Variants in CASZ1 observed in about 807,000 individuals in gnomAD.
The protein encoded by CASZ1 is castor zinc finger 1, also known as zinc finger protein castor homolog 1.
CASZ1 carries 28 observed loss-of-function variants against 135.2 expected under a neutral mutation model. The observed-to-expected ratio is 0.21, with a 90% CI of 0.15 to 0.28. The LOEUF is 0.28. CASZ1 is among the 10% of genes least tolerant of loss of function. The pLI is 1.00. For synonymous variants in CASZ1, 1,068 were observed against 1,073.4 expected, an observed-to-expected ratio of 0.99 and a Z score of 0.10; for missense variants, 2,161 against 2,453.3, an observed-to-expected ratio of 0.88 and a Z score of 2.52.
chr1:10,772,387 C>T (rs1483749954), intron 1 of CASZ1, among the ~76,000 whole-genome samples: 1 of 152,240 alleles, frequency 6.6e-6, no homozygotes, highest in Non-Finnish European at 1.5e-5. Context: ...AACTTCCCAG[C>T]TTCAGGAGAG....
At chr1:10,653,014 AG>A in intron 11 of CASZ1, 1 of 302,050 alleles carries the variant, frequency 3.3e-6, no homozygotes, top group Non-Finnish European at 6.4e-6. Flanking sequence ...TCGGCACGCC[AG>A]GGGCCCTGGG....
At chr1:10,768,267 G>C (rs1424487897) in intron 1 of CASZ1, among the ~76,000 whole-genome samples, 1 of 152,190 alleles carries the variant, frequency 6.6e-6, no homozygotes, top group East Asian at 1.9e-4. Flanking sequence ...ACCCAGGCTG[G>C]AGTGCAGTGG....
Position 10,646,163 on chromosome 1 carries a change from C to T in CASZ1, c.3661G>A (p.Ala1221Thr), listed in dbSNP as rs779185749. The change falls in exon 17 of 21, where the codon GCA (alanine) becomes ACA (threonine). Residue 1221 changes from alanine (A) to threonine (T), a missense_variant. Ala to Thr is a moderately conservative substitution (Grantham distance 58, BLOSUM62 0). Coordinates refer to ENST00000377022, the MANE Select transcript of CASZ1 (RefSeq NM_001079843.3). This position sits in a 1 kb window ranked among gnomAD's most constrained non-coding sequence, Gnocchi z 6.4. The part of the protein sequence containing the change: ...NNLVNVRDQF[A>T]YYSLQCLCPN... Reference sequence around the variant, plus strand: ...CAGAGACACTGCAGAGAGTAGTATGCAAACTGGTCTCGCACGTTCACCAGG... The same window carrying T: ...CAGAGACACTGCAGAGAGTAGTATGTAAACTGGTCTCGCACGTTCACCAGG... The T allele has an allele frequency of 6.2e-7, 1 of 1,614,180 alleles. No individual in the cohort carries two copies. The highest frequency in any genetic ancestry group is 8.5e-7 in the Non-Finnish European group (1 of 1,180,030).
At position 10,734,003 on chromosome 1, in the gene CASZ1, C is replaced by A. The variant is rs370809081; in HGVS notation, c.-77+26698G>T. Among the ~76,000 whole-genome samples, 101 of 152,376 alleles carry A rather than the reference C, an allele frequency of 6.6e-4. 1 individual carries two copies. The highest frequency in any genetic ancestry group is 2.4e-3 in the African/African-American group (99 of 41,588). On this transcript the variant is annotated intron_variant, in intron 2 of 20. Coordinates refer to ENST00000377022, the MANE Select transcript of CASZ1 (RefSeq NM_001079843.3). ...GCGAAAGTGCTAGTCTCACCCCTAACAGGTCCACCTGGCCAGGCCCCCAGG... is the reference window on the plus strand; with the variant it reads ...GCGAAAGTGCTAGTCTCACCCCTAAAAGGTCCACCTGGCCAGGCCCCCAGG...
At chr1:10,773,885 G>A (rs1640616841) in intron 1 of CASZ1, among the ~76,000 whole-genome samples, 2 of 152,380 alleles carry the variant, frequency 1.3e-5, no homozygotes, top group East Asian at 1.9e-4. Flanking sequence ...CGCAGGGTGG[G>A]AGCAGCCCTG....
intron 2 of CASZ1, among the ~76,000 whole-genome samples, chr1:10,737,232 T>C (rs1161885412): frequency 6.6e-6 from 1 of 152,186 alleles, no homozygotes; most frequent in Admixed American, 6.5e-5. Context: ...CTGGGCACCT[T>C]GTCCTGCTCA....
chr1:10,695,580 ACCC>A (rs61026086), intron 3 of CASZ1, among the ~76,000 whole-genome samples: 761 of 16,762 alleles, frequency 0.045, 41 homozygotes, highest in African/African-American at 0.14. Context: ...CCTCCCCGCC[ACCC>A]CCCCCCCCCC....
At chr1:10,723,414 C>T (rs574073530) in intron 2 of CASZ1, among the ~76,000 whole-genome samples, 8 of 152,320 alleles carry the variant, frequency 5.3e-5, no homozygotes, top group African/African-American at 1.9e-4. Context: ...TTAAAACCAA[C>T]CCATCTGTGC....
At chr1:10,740,972 A>AAAAAAAAG (rs1639908296) in intron 2 of CASZ1, among the ~76,000 whole-genome samples, 1 of 131,158 alleles carries the variant, frequency 7.6e-6, no homozygotes, top group South Asian at 2.6e-4. Flanking sequence ...AAAAAAAAAA[A>AAAAAAAAG]AAAAAGAAAA....
Position 10,636,954 on chromosome 1 carries a change from A to G in CASZ1, c.*1988T>C, listed in dbSNP as rs949689315. 2 of 152,362 alleles carry G rather than the reference A, an allele frequency of 1.3e-5. No homozygotes were observed. Among genetic ancestry groups the G allele is most frequent in the African/African-American group, 4.8e-5 (2 of 41,436 alleles). 9.4% of individuals were successfully genotyped at this position (152,362 alleles called of 1,614,324 possible). ...TACACATACATAGTTATAAAACATTAAAAAGAGCATTGGTGGATCAAGCAT... is the reference window on the plus strand; with the variant it reads ...TACACATACATAGTTATAAAACATTGAAAAGAGCATTGGTGGATCAAGCAT... On this transcript the variant is annotated 3_prime_UTR_variant, in exon 21 of 21. Transcript: ENST00000377022.
intron 1 of CASZ1, among the ~76,000 whole-genome samples, chr1:10,769,657 C>T (rs1434518544): frequency 6.6e-6 from 1 of 152,124 alleles, no homozygotes; most frequent in Non-Finnish European, 1.5e-5. Context: ...GCTGGGATTA[C>T]AGGTGCGCAC....
At chr1:10,749,175 G>A (rs568408732) in intron 2 of CASZ1, among the ~76,000 whole-genome samples, 3 of 152,164 alleles carry the variant, frequency 2.0e-5, no homozygotes, top group African/African-American at 4.8e-5. Flanking sequence ...TGGTCTCCAC[G>A]ACATGCCCTC....
chr1:10,785,259 C>T (rs954961930), intron 1 of CASZ1, among the ~76,000 whole-genome samples: 4 of 141,480 alleles, frequency 2.8e-5, no homozygotes, highest in Middle Eastern at 7.6e-3. Flanking sequence ...CATCTTTTTC[C>T]TTCCTTTCTT....
At position 10,665,265 on chromosome 1, in the gene CASZ1, C is replaced by G; in HGVS notation, c.323G>C (p.Arg108Pro). ...EEPAPTPVLGRIAREGLELPP... is the reference protein window; with the variant it reads ...EEPAPTPVLGPIAREGLELPP... ...CAGCTCCAGGCCCTCGCGGGCAATC[C>G]GCCCCAACACGGGTGTGGGTGCCGG... The change falls in exon 5 of 21, where the codon CGG becomes CCG. Residue 108 changes from arginine (R) to proline (P), a missense_variant. Arg to Pro is a moderately radical substitution (Grantham distance 103). Coordinates refer to ENST00000377022, the MANE Select transcript of CASZ1 (RefSeq NM_001079843.3). 1.9e-6 allele frequency: 3 copies of G among 1,609,488 alleles called. No homozygotes were observed. The highest frequency in any genetic ancestry group is 1.7e-6 in the Non-Finnish European group (2 of 1,177,186).
intron 2 of CASZ1, among the ~76,000 whole-genome samples, chr1:10,753,223 GC>G (rs1183447468): frequency 6.6e-6 from 1 of 152,198 alleles, no homozygotes; most frequent in African/African-American, 2.4e-5. Context: ...TCAGCAGGTA[GC>G]CCCCGGCAGG....
intron 4 of CASZ1, among the ~76,000 whole-genome samples, chr1:10,683,178 T>C (rs569142157): frequency 3.3e-5 from 5 of 152,304 alleles, no homozygotes; most frequent in African/African-American, 1.2e-4. Flanking sequence ...CTGGGTTGTT[T>C]AGGCTAGGAA....
At chr1:10,689,726 A>C (rs1160460671) in intron 4 of CASZ1, among the ~76,000 whole-genome samples, 2 of 152,150 alleles carry the variant, frequency 1.3e-5, no homozygotes, top group Non-Finnish European at 2.9e-5. Flanking sequence ...TCTCCACCAA[A>C]GAAAAGGTCC....
intron 3 of CASZ1, among the ~76,000 whole-genome samples, chr1:10,696,763 A>G (rs1232717817): frequency 6.6e-6 from 1 of 152,222 alleles, no homozygotes; most frequent in Non-Finnish European, 1.5e-5. Context: ...TACGTGACCC[A>G]CACAGCCACT....
chr1:10,662,073 A>G (rs1000414291), intron 5 of CASZ1, among the ~76,000 whole-genome samples: 1 of 151,708 alleles, frequency 6.6e-6, no homozygotes, highest in Non-Finnish European at 1.5e-5. Flanking sequence ...ACACACACGC[A>G]TTCTCACACA....
Sources: allele counts gnomAD v4.1 joint callset (sites outside exome capture counted in the v4.1 genomes callset), GRCh38; gene constraint gnomAD v4.1.1; non-coding constraint Gnocchi (gnomAD v3.1); transcripts MANE v1.5; gene names NCBI Gene and HGNC (gene_info 2026-07-23, HGNC 2026-07-21).